Variants in DYNC2H1 observed in about 807,000 individuals in gnomAD.
The protein encoded by DYNC2H1 is dynein cytoplasmic 2 heavy chain 1.
In DYNC2H1, 410 loss-of-function variants were observed where a neutral mutation model predicts 570.0. The ratio of observed to expected loss-of-function variants is 0.72; its 90% CI spans 0.66 to 0.78. DYNC2H1 has a LOEUF of 0.78. DYNC2H1 is among the 30% of genes least tolerant of loss of function. The pLI is 0.00. For missense variants in DYNC2H1, 4,865 were observed against 5,046.4 expected, an observed-to-expected ratio of 0.96 and a Z score of 1.09; for synonymous variants, 1,688 against 1,677.6, an observed-to-expected ratio of 1.01 and a Z score of -0.15.
Position 103,204,723 on chromosome 11 carries a change from AAAC to A in DYNC2H1, c.8312-95_8312-93del. On this transcript the variant is annotated intron_variant, in intron 51 of 88. Coordinates refer to ENST00000375735, the MANE Select transcript of DYNC2H1 (RefSeq NM_001377.3). The surrounding 1 kb of genome is among the most constrained non-coding windows in gnomAD (Gnocchi z 4.1). ...TGTTTTATATTGTGCTCGTTTTAAGAAACAACTCCTACTATTTCATTTGAGAAA... is the reference window on the plus strand; with the variant it reads ...TGTTTTATATTGTGCTCGTTTTAAGAAACTCCTACTATTTCATTTGAGAAA... 1 of 845,950 alleles carries A rather than the reference AAAC, an allele frequency of 1.2e-6. No homozygotes were observed. The highest frequency in any genetic ancestry group is 1.8e-6 in the Non-Finnish European group (1 of 563,908). 52.4% of individuals were successfully genotyped at this position (845,950 alleles called of 1,614,324 possible). A position where few individuals can be genotyped will look rare whatever the true frequency, so the allele number is the denominator to read the frequency against.
chr11:103,318,769 T>C (rs1046697211), intron 80 of DYNC2H1, among the ~76,000 whole-genome samples: 20 of 152,144 alleles, frequency 1.3e-4, no homozygotes, highest in African/African-American at 4.8e-4. Flanking sequence ...TACACATAAA[T>C]GTACAATTCA....
intron 31 of DYNC2H1, among the ~76,000 whole-genome samples, chr11:103,167,834 T>C (rs945465209): frequency 2.0e-5 from 3 of 152,146 alleles, no homozygotes; most frequent in Admixed American, 6.5e-5. Context: ...TTTCTGTGGG[T>C]TATGGTTCTG....
At position 103,326,796 on chromosome 11, in the gene DYNC2H1, G is replaced by T. The variant is rs1372933909; in HGVS notation, c.12039+2806G>T. Among the ~76,000 whole-genome samples the T allele has an allele frequency of 6.6e-6, 1 of 152,218 alleles. No individual in the cohort carries two copies. Among genetic ancestry groups the T allele is most frequent in the Non-Finnish European group, 1.5e-5 (1 of 68,036 alleles). ...GGGGAAGCCAGCCTGCTGTCTCTTG[G>T]CCTGGCAGTCAGCTGATGCTAGAGC... On this transcript the variant is annotated intron_variant, in intron 82 of 88. Transcript: ENST00000375735. The surrounding 1 kb of genome is among the most constrained non-coding windows in gnomAD (Gnocchi z 6.1).
chr11:103,283,393 T>C (rs1866221309), intron 73 of DYNC2H1, among the ~76,000 whole-genome samples: 1 of 152,140 alleles, frequency 6.6e-6, no homozygotes, highest in South Asian at 2.1e-4. Context: ...TTTAGAAGCT[T>C]AACTCTCAAC....
At chr11:103,285,573 C>A (rs540429844) in intron 73 of DYNC2H1, among the ~76,000 whole-genome samples, 1 of 151,738 alleles carries the variant, frequency 6.6e-6, no homozygotes, top group South Asian at 2.1e-4. Flanking sequence ...CAGGCGCCCA[C>A]CACCAGCCTG....
intron 80 of DYNC2H1, 73 bp from the exon 81 acceptor site, chr11:103,320,956 A>C: frequency 8.6e-7 from 1 of 1,162,712 alleles, no homozygotes; most frequent in Non-Finnish European, 1.2e-6. Flanking sequence ...TACATGTTAT[A>C]AATATAACTC....
rs1241334449 is a variant in DYNC2H1, at chr11:103,145,214, A to C, written c.2702+1819A>C. Among the ~76,000 whole-genome samples the C allele has an allele frequency of 1.3e-5, 2 of 152,144 alleles. No homozygotes were observed. Among genetic ancestry groups the C allele is most frequent in the African/African-American group, 4.8e-5 (2 of 41,434 alleles). On this transcript the variant is annotated intron_variant, in intron 18 of 88. Transcript: ENST00000375735. The surrounding 1 kb of genome is among the most constrained non-coding windows in gnomAD (Gnocchi z 4.2). ...TAATTGAATTATCTTGTTGGAACTC[A>C]AAATGAGGAGGAGGAAATAGTATGA...
chr11:103,295,765 G>A (rs1866795808), intron 75 of DYNC2H1, among the ~76,000 whole-genome samples: 1 of 152,176 alleles, frequency 6.6e-6, no homozygotes, highest in Non-Finnish European at 1.5e-5. Context: ...AACTGCCTTT[G>A]TTCTGCCTCT....
intron 87 of DYNC2H1, among the ~76,000 whole-genome samples, chr11:103,466,645 T>C (rs947196392): frequency 6.6e-6 from 1 of 152,160 alleles, no homozygotes; most frequent in African/African-American, 2.4e-5. Context: ...GAATGGCTAA[T>C]AAACATAAGG....
At chr11:103,109,794 G>T in intron 1 of DYNC2H1, 25 bp downstream of exon 1, 1 of 1,595,970 alleles carries the variant, frequency 6.3e-7, no homozygotes. Flanking sequence ...ACTCCTGCCT[G>T]ACCCCTGACC....
At chr11:103,386,101 C>T (rs1029630921) in intron 83 of DYNC2H1, among the ~76,000 whole-genome samples, 11 of 152,164 alleles carry the variant, frequency 7.2e-5, no homozygotes, top group African/African-American at 2.2e-4. Context: ...CTTCTGAACT[C>T]GTAGTTACAT....
In DYNC2H1 at chr11:103,185,631, G is replaced by A. The variant is rs1433348766; in HGVS notation, c.6633+580G>A. On this transcript the variant is annotated intron_variant, in intron 41 of 88. Transcript: ENST00000375735. The surrounding 1 kb of genome is among the most constrained non-coding windows in gnomAD (Gnocchi z 4.5). ...CTCATTTTGCTGCTTCTTTGATAGTGTCATTTACTGCTTTCTCTATTCCGT... is the reference window on the plus strand; with the variant it reads ...CTCATTTTGCTGCTTCTTTGATAGTATCATTTACTGCTTTCTCTATTCCGT... Among the ~76,000 whole-genome samples, 1 of 151,544 alleles carries A rather than the reference G, an allele frequency of 6.6e-6. No individual in the cohort carries two copies. Among genetic ancestry groups the A allele is most frequent in the Non-Finnish European group, 1.5e-5 (1 of 67,806 alleles).
At position 103,176,224 on chromosome 11, in the gene DYNC2H1, C is replaced by A; in HGVS notation, c.5675-11C>A. 6.9e-7 allele frequency: 1 copy of A among 1,456,232 alleles called. No homozygotes were observed. Among genetic ancestry groups the A allele is most frequent in the South Asian group, 1.6e-5 (1 of 64,262 alleles). The allele number at this position is 1,456,232 out of a possible 1,614,324, so 90.2% of individuals were successfully genotyped here. On this transcript the variant is annotated splice_polypyrimidine_tract_variant and intron_variant, in intron 36 of 88. Transcript: ENST00000375735. ...AATAATAAATAATTTTAAAATGAAA[C>A]TTTTTTCTAGCTAATGAAAGTCATA...
intron 84 of DYNC2H1, among the ~76,000 whole-genome samples, chr11:103,424,705 CAAAAA>C (rs72076859): frequency 7.6e-6 from 1 of 131,040 alleles, no homozygotes; most frequent in Admixed American, 7.7e-5. Flanking sequence ...ACTGGCTCTC[CAAAAA>C]AAAAAAAAAA....
At chr11:103,396,947 G>A (rs1591681317) in intron 83 of DYNC2H1, among the ~76,000 whole-genome samples, 1 of 152,078 alleles carries the variant, frequency 6.6e-6, no homozygotes, top group South Asian at 2.1e-4. Context: ...CATACAAAGT[G>A]GAATAATAGA....
At chr11:103,122,062 T>C (rs1414040563) in intron 10 of DYNC2H1, among the ~76,000 whole-genome samples, 1 of 152,180 alleles carries the variant, frequency 6.6e-6, no homozygotes, top group Non-Finnish European at 1.5e-5. Context: ...TAAAAGGTAA[T>C]TATGGCATGG....
At chr11:103,353,297 A>T (rs529488242) in intron 82 of DYNC2H1, among the ~76,000 whole-genome samples, 2 of 152,160 alleles carry the variant, frequency 1.3e-5, no homozygotes, top group African/African-American at 4.8e-5. Flanking sequence ...CGAAACTTAA[A>T]TTTTTTTTAC....
In DYNC2H1 at chr11:103,186,594, A is replaced by G; in HGVS notation, c.6893+93A>G. On this transcript the variant is annotated intron_variant, in intron 42 of 88. Coordinates refer to ENST00000375735, the MANE Select transcript of DYNC2H1 (RefSeq NM_001377.3). This position sits in a 1 kb window ranked among gnomAD's most constrained non-coding sequence, Gnocchi z 4.5. ...CTTTTGTTATGTTTCTTTTGGTTAAAGTAGCATTTACATTTTCATGGAAGA... is the reference window on the plus strand; with the variant it reads ...CTTTTGTTATGTTTCTTTTGGTTAAGGTAGCATTTACATTTTCATGGAAGA... 6.9e-7 allele frequency: 1 copy of G among 1,440,456 alleles called. No homozygotes were observed. Among genetic ancestry groups the G allele is most frequent in the Non-Finnish European group, 9.2e-7 (1 of 1,088,592 alleles). The allele number at this position is 1,440,456 out of a possible 1,614,324, so 89.2% of individuals were successfully genotyped here.
intron 75 of DYNC2H1, among the ~76,000 whole-genome samples, chr11:103,297,010 T>G (rs1380372644): frequency 6.6e-6 from 1 of 152,208 alleles, no homozygotes; most frequent in East Asian, 1.9e-4. Context: ...TTTACTATAG[T>G]TTTACCCTGG....
Sources: allele counts gnomAD v4.1 joint callset (sites outside exome capture counted in the v4.1 genomes callset), GRCh38; gene constraint gnomAD v4.1.1; non-coding constraint Gnocchi (gnomAD v3.1); transcripts MANE v1.5; gene names NCBI Gene and HGNC (gene_info 2026-07-23, HGNC 2026-07-21).